Variants in ATXN8OS observed in about 807,000 individuals in gnomAD.
The protein encoded by ATXN8OS is ATXN8 opposite strand (non-protein coding).
intron 4 of ATXN8OS, among the ~76,000 whole-genome samples, chr13:70,154,153 C>A (rs1159684323): frequency 6.6e-6 from 1 of 152,108 alleles, no homozygotes; most frequent in Non-Finnish European, 1.5e-5. Flanking sequence ...TTTTATTTCT[C>A]CACATATTTT....
intron 3 of ATXN8OS, among the ~76,000 whole-genome samples, chr13:70,146,023 G>T (rs1888781097): frequency 7.5e-6 from 1 of 133,762 alleles, no homozygotes; most frequent in African/African-American, 2.8e-5. Context: ...TCTGACAAAG[G>T]GCTAATATCC....
chr13:70,157,636 C>G (rs1888954495), intron 4 of ATXN8OS, among the ~76,000 whole-genome samples: 2 of 151,928 alleles, frequency 1.3e-5, no homozygotes, highest in South Asian at 4.1e-4. Flanking sequence ...AGCTCATTCT[C>G]TCTTATTGAA....
At chr13:70,110,281 A>G (rs183453518) in intron 1 of ATXN8OS, among the ~76,000 whole-genome samples, 23 of 152,242 alleles carry the variant, frequency 1.5e-4, no homozygotes, top group Admixed American at 1.3e-3. Context: ...GTACCTTTCT[A>G]TATTTGTCAA....
chr13:70,139,274 G>C (rs538196903), intron 3 of ATXN8OS: 2 of 496,020 alleles, frequency 4.0e-6, no homozygotes, highest in African/African-American at 2.0e-5. Flanking sequence ...TCCACGGAGA[G>C]ATTAACTCTG....
rs191652261 is a variant in ATXN8OS at position 70,164,842 on chromosome 13, T to G, written n.574-4911T>G. On this transcript the variant is annotated intron_variant and non_coding_transcript_variant, in intron 4 of 4. Coordinates refer to ENST00000678624, the Ensembl canonical transcript of ATXN8OS. Reference sequence around the variant, plus strand: ...ATTGCTCCATGATGAGCTTCCTATATTCAACTATGTGCAATAACTGAAAAT... The same window carrying G: ...ATTGCTCCATGATGAGCTTCCTATAGTCAACTATGTGCAATAACTGAAAAT... 2.3e-3 allele frequency among the ~76,000 whole-genome samples: 351 copies of G among 152,102 alleles called. 2 individuals carry two copies. Among genetic ancestry groups the G allele is most frequent in the African/African-American group, 7.5e-3 (310 of 41,542 alleles).
intron 2 of ATXN8OS, among the ~76,000 whole-genome samples, chr13:70,128,964 G>A (rs927991631): frequency 4.6e-5 from 7 of 151,884 alleles, no homozygotes; most frequent in Admixed American, 6.6e-5. Flanking sequence ...AGGTTCAAGC[G>A]ATTCTCCTGC....
chr13:70,108,406 G>A (rs1888130839), intron 1 of ATXN8OS: 1 of 160,296 alleles, frequency 6.2e-6, no homozygotes, highest in Non-Finnish European at 1.4e-5. Context: ...ATATAGGGAG[G>A]CAAAAGAAAA....
intron 1 of ATXN8OS, among the ~76,000 whole-genome samples, chr13:70,111,443 T>C (rs980353011): frequency 6.6e-6 from 1 of 152,180 alleles, no homozygotes; most frequent in African/African-American, 2.4e-5. Context: ...AGGCATCATA[T>C]GGCAATGGGG....
intron 3 of ATXN8OS, chr13:70,130,742 T>C: frequency 2.5e-6 from 1 of 398,502 alleles, no homozygotes; most frequent in Non-Finnish European, 4.4e-6. Context: ...CCAAGACTAT[T>C]TACGACAAGT....
chr13:70,107,524 C>CT, upstream of ATXN8OS: 2 of 1,611,372 alleles, frequency 1.2e-6, no homozygotes, highest in Non-Finnish European at 1.7e-6. Flanking sequence ...TCTCTCTTGG[C>CT]TTTTGAGCAG....
intron 3 of ATXN8OS, among the ~76,000 whole-genome samples, chr13:70,141,606 ATG>A (rs946164661): frequency 9.9e-5 from 15 of 151,962 alleles, no homozygotes; most frequent in African/African-American, 3.1e-4. Flanking sequence ...ATATATACAT[ATG>A]TGTGTGTGTA....
chr13:70,156,595 C>A (rs1461732748), intron 4 of ATXN8OS, among the ~76,000 whole-genome samples: 2 of 151,966 alleles, frequency 1.3e-5, no homozygotes, highest in Non-Finnish European at 2.9e-5. Context: ...TAATCATTCA[C>A]AACACGTTAC....
chr13:70,138,138 C>G (rs1461535380), intron 3 of ATXN8OS, among the ~76,000 whole-genome samples: 1 of 152,146 alleles, frequency 6.6e-6, no homozygotes, highest in African/African-American at 2.4e-5. Flanking sequence ...ATTTGGGTGC[C>G]GACACAGAGC....
chr13:70,142,065 C>T (rs1888725643), intron 3 of ATXN8OS, among the ~76,000 whole-genome samples: 1 of 151,950 alleles, frequency 6.6e-6, no homozygotes, highest in Non-Finnish European at 1.5e-5. Context: ...TGTATTTTTA[C>T]AAGAGACAGG....
rs529408542 is a variant in ATXN8OS, at chr13:70,128,385, A to G, written n.399-1399A>G. ...TAGTGCCCCATAACTGTCTTTTACA[A>G]TGTAATTCATTTTCTTTCTTCACTT... On this transcript the variant is annotated intron_variant and non_coding_transcript_variant, in intron 2 of 4. Transcript: ENST00000678624. 1.1e-3 allele frequency among the ~76,000 whole-genome samples: 166 copies of G among 152,220 alleles called. 1 individual carries two copies. The highest frequency in any genetic ancestry group is 1.9e-3 in the Non-Finnish European group (132 of 68,002).
At chr13:70,124,031 A>G (rs1217839853) in intron 2 of ATXN8OS, among the ~76,000 whole-genome samples, 1 of 152,122 alleles carries the variant, frequency 6.6e-6, no homozygotes, top group Admixed American at 6.6e-5. Flanking sequence ...TAGAGACACG[A>G]CATTAAATCT....
At chr13:70,145,614 T>C (rs1593771447) in intron 3 of ATXN8OS, among the ~76,000 whole-genome samples, 1 of 152,280 alleles carries the variant, frequency 6.6e-6, no homozygotes, top group South Asian at 2.1e-4. Context: ...TTTGAAGCAA[T>C]TGTGAATGGT....
intron 3 of ATXN8OS, among the ~76,000 whole-genome samples, chr13:70,146,791 C>A (rs1228546013): frequency 2.6e-5 from 4 of 151,792 alleles, no homozygotes; most frequent in Non-Finnish European, 5.9e-5. Flanking sequence ...AGAGGGATAG[C>A]ATTAGGAGAT....
intron 4 of ATXN8OS, among the ~76,000 whole-genome samples, chr13:70,162,205 T>A (rs558763739): frequency 2.0e-5 from 3 of 152,048 alleles, no homozygotes; most frequent in Non-Finnish European, 4.4e-5. Flanking sequence ...CTTAGGGTCT[T>A]ACAGGAATCA....
Sources: allele counts gnomAD v4.1 joint callset (sites outside exome capture counted in the v4.1 genomes callset), GRCh38; gene constraint gnomAD v4.1.1; transcripts MANE v1.5; gene names NCBI Gene and HGNC (gene_info 2026-07-23, HGNC 2026-07-21).